Variants in SNAPC4 observed in about 807,000 individuals in gnomAD.
The protein encoded by SNAPC4 is snRNA-activating protein complex subunit 4.
Under a neutral mutation model 151.3 loss-of-function variants are expected in SNAPC4, and 127 were observed. That is an observed-to-expected ratio of 0.84 (90% confidence interval 0.73 to 0.97). SNAPC4 has a LOEUF of 0.97. Among genes scored for constraint, SNAPC4 ranks in the 50% least tolerant of loss-of-function variants. The pLI, the probability that SNAPC4 is intolerant of heterozygous loss-of-function variation, is 0.00. For missense variants in SNAPC4, 2,186 were observed against 1,935.0 expected (o/e 1.13, Z -2.43); for synonymous variants, 1,002 against 824.4 (o/e 1.22, Z -3.69).
chr9:136,392,873 C>T (rs1050259707), intron 7 of SNAPC4, 96 bp from the exon 8 acceptor site: 6 of 1,013,090 alleles, frequency 5.9e-6, no homozygotes, highest in Non-Finnish European at 8.9e-6. Context: ...GTGAGCTCAG[C>T]AGAGATTCCG....
At chr9:136,391,130 G>A (rs143707603) in intron 10 of SNAPC4, among the ~76,000 whole-genome samples, 207 of 152,290 alleles carry the variant, frequency 1.4e-3, no homozygotes, top group African/African-American at 4.9e-3. Context: ...CACTGTGCCC[G>A]GCAGAATTAA....
Position 136,383,847 on chromosome 9 carries a change from A to G in SNAPC4, c.1500+106T>C. 1 of 1,336,208 alleles carries G rather than the reference A, an allele frequency of 7.5e-7. No individual in the cohort carries two copies. Among genetic ancestry groups the G allele is most frequent in the Non-Finnish European group, 1.1e-6 (1 of 944,892 alleles). The allele number at this position is 1,336,208 out of a possible 1,614,324, so 82.8% of individuals were successfully genotyped here. On this transcript the variant is annotated intron_variant, in intron 15 of 23. Coordinates refer to ENST00000684778, the MANE Select transcript of SNAPC4 (RefSeq NM_003086.4). The surrounding 1 kb of genome is among the most constrained non-coding windows in gnomAD (Gnocchi z 4.2). ...GCCACCCAGAAGAAGAAATGCCAAGACCAGAAACCGAACGCCCCCCTCCCC... is the reference window on the plus strand; with the variant it reads ...GCCACCCAGAAGAAGAAATGCCAAGGCCAGAAACCGAACGCCCCCCTCCCC...
chr9:136,391,335 C>T (rs1195913379), intron 10 of SNAPC4, among the ~76,000 whole-genome samples: 1 of 152,102 alleles, frequency 6.6e-6, no homozygotes, highest in Admixed American at 6.5e-5. Flanking sequence ...ATGTTCCAAT[C>T]AAATTCAGAT....
Position 136,381,906 on chromosome 9 carries a change from C to T in SNAPC4, c.2235G>A (p.Leu745=). ...LHRRLLNRRL[L]LAVTPWVGDV... is the part of the protein sequence containing the mutation. ...CCCCTACCCAAGGGGTCACAGCCAGCAGCAGCCTGCGGTTCAGGAGCCTCC... is the reference window on the plus strand; with the variant it reads ...CCCCTACCCAAGGGGTCACAGCCAGTAGCAGCCTGCGGTTCAGGAGCCTCC... Residue 745 remains leucine, a synonymous_variant, in exon 18 of 24, where the codon CTG becomes CTA. Transcript: ENST00000684778. 1 of 1,613,000 alleles carries T rather than the reference C, an allele frequency of 6.2e-7. No individual in the cohort carries two copies. Among genetic ancestry groups the T allele is most frequent in the Non-Finnish European group, 8.5e-7 (1 of 1,179,994 alleles).
In SNAPC4 at chr9:136,378,205, C is replaced by T. The variant is rs1833537611; in HGVS notation, c.3622G>A (p.Ala1208Thr). The T allele has an allele frequency of 6.2e-7, 1 of 1,612,136 alleles. No individual in the cohort carries two copies. The highest frequency in any genetic ancestry group is 1.3e-5 in the African/African-American group (1 of 75,062). The change falls in exon 22 of 24, where the codon GCC becomes ACC. Residue 1208 changes from alanine to threonine, a missense_variant. Physicochemically the swap from Ala to Thr is moderately conservative, Grantham distance 58. Coordinates refer to ENST00000684778, the MANE Select transcript of SNAPC4 (RefSeq NM_003086.4). Reference sequence around the variant, plus strand: ...GTTGCTGGGATGACACCACCGAAGGCTGGCAGCCTCCCGGACCAAGGGGGT... The same window carrying T: ...GTTGCTGGGATGACACCACCGAAGGTTGGCAGCCTCCCGGACCAAGGGGGT... Reference protein sequence around the residue: ...AEPPWSGRLPAFGGVIPATEP... With the variant: ...AEPPWSGRLPTFGGVIPATEP...
chr9:136,380,883 T>G, intron 19 of SNAPC4, 33 bp from the exon 20 acceptor site: 1 of 1,311,560 alleles, frequency 7.6e-7, no homozygotes, highest in Non-Finnish European at 1.1e-6. Flanking sequence ...TAACCATAGC[T>G]GCTTTCGGGA....
In SNAPC4 at chr9:136,383,213, C is replaced by A. The variant is rs746465888; in HGVS notation, c.1956G>T (p.Pro652=). 12 of 1,554,254 alleles carry A rather than the reference C, an allele frequency of 7.7e-6. No homozygotes were observed. Among genetic ancestry groups the A allele is most frequent in the Non-Finnish European group, 9.5e-6 (11 of 1,152,954 alleles). Reference sequence around the variant, plus strand: ...CCAGGGCCTGCTTCTCTGCGCCCGCCGGGCGAGTGTCTGCTGAGTGGGAGG... The same window carrying A: ...CCAGGGCCTGCTTCTCTGCGCCCGCAGGGCGAGTGTCTGCTGAGTGGGAGG... ...AQASHSADTR[P]AGAEKQALEG... Residue 652 remains proline (P), a synonymous_variant, in exon 16 of 24, where the codon CCG becomes CCT. Transcript: ENST00000684778. This position sits in a 1 kb window ranked among gnomAD's most constrained non-coding sequence, Gnocchi z 4.2.
intron 3 of SNAPC4, among the ~76,000 whole-genome samples, chr9:136,396,238 G>A (rs1279441779): frequency 6.6e-6 from 1 of 152,234 alleles, no homozygotes. Context: ...CTACAGCAGG[G>A]TGCTCACTCA....
At position 136,378,749 on chromosome 9, in the gene SNAPC4, A is replaced by T. The variant is rs548018472; in HGVS notation, c.3078T>A (p.Ser1026=). The T allele has an allele frequency of 2.0e-6, 3 of 1,521,726 alleles. No individual in the cohort carries two copies. The South Asian group carries it at 3.9e-5, about 20-fold the overall frequency. The allele number at this position is 1,521,726 out of a possible 1,614,324, so 94.3% of individuals were successfully genotyped here. A position where few individuals can be genotyped will look rare whatever the true frequency, so the allele number is the denominator to read the frequency against. ...VSCPESGLGQ[S]QAPAASRKQG... is the part of the protein sequence containing the mutation. ...GCTTCCGGGATGCAGCGGGGGCCTGAGACTGTCCGAGACCACTCTCGGGGC... is the reference window on the plus strand; with the variant it reads ...GCTTCCGGGATGCAGCGGGGGCCTGTGACTGTCCGAGACCACTCTCGGGGC... The change falls in exon 22 of 24, where the codon TCT becomes TCA. Residue 1026 remains serine (S), a synonymous_variant. Coordinates refer to ENST00000684778, the MANE Select transcript of SNAPC4 (RefSeq NM_003086.4).
rs556419541 is a variant in SNAPC4, at chr9:136,377,678, G to T, written c.4149C>A (p.Pro1383=). The change falls in exon 22 of 24, where the codon CCC becomes CCA. Residue 1383 remains proline (P), a synonymous_variant. Coordinates refer to ENST00000684778, the MANE Select transcript of SNAPC4 (RefSeq NM_003086.4). ...CTGAGAGGGTGGTGCGGACGCCTTG[G>T]GGGGCCAGGGTGGCCAGGAGCGCAG... ...TLPALLATLA[P]QGVRTTLSVP... The T allele has an allele frequency of 2.2e-5, 35 of 1,607,706 alleles. No homozygotes were observed. The East Asian group carries it at 6.7e-4, about 31-fold the overall frequency.
At chr9:136,388,089 G>A (rs959669777) in intron 11 of SNAPC4, among the ~76,000 whole-genome samples, 5 of 152,274 alleles carry the variant, frequency 3.3e-5, no homozygotes, top group Non-Finnish European at 7.4e-5. Context: ...CCAACATGGT[G>A]AAACCCCGTC....
intron 20 of SNAPC4, among the ~76,000 whole-genome samples, chr9:136,380,191 C>G (rs13297890): frequency 0.23 from 34,382 of 152,048 alleles, 4,114 homozygotes; most frequent in Admixed American, 0.27. Context: ...GTGCCCTGCA[C>G]AGCAGGCAAA....
chr9:136,388,333 T>TA, intron 11 of SNAPC4, 111 bp downstream of exon 11: 2 of 1,096,922 alleles, frequency 1.8e-6, no homozygotes, highest in East Asian at 5.1e-5. Context: ...CAGGACTGTC[T>TA]AAGCCCTCGT....
rs556419541 is a variant in SNAPC4 at position 136,377,678 on chromosome 9, G to C, written c.4149C>G (p.Pro1383=). The C allele has an allele frequency of 1.9e-6, 3 of 1,607,824 alleles. No homozygotes were observed. Among genetic ancestry groups the C allele is most frequent in the African/African-American group, 1.3e-5 (1 of 74,966 alleles). The change falls in exon 22 of 24, where the codon CCC becomes CCG. Residue 1383 remains proline (P), a synonymous_variant. Coordinates refer to ENST00000684778, the MANE Select transcript of SNAPC4 (RefSeq NM_003086.4). ...TLPALLATLA[P]QGVRTTLSVP... is the part of the protein sequence containing the mutation. ...CTGAGAGGGTGGTGCGGACGCCTTGGGGGGCCAGGGTGGCCAGGAGCGCAG... is the reference window on the plus strand; with the variant it reads ...CTGAGAGGGTGGTGCGGACGCCTTGCGGGGCCAGGGTGGCCAGGAGCGCAG...
rs1490039728 is a variant in SNAPC4 at position 136,387,564 on chromosome 9, C to T, written c.1246G>A (p.Val416Ile). 13 of 1,613,664 alleles carry T rather than the reference C, an allele frequency of 8.1e-6. No homozygotes were observed. The highest frequency in any genetic ancestry group is 1.3e-5 in the African/African-American group (1 of 75,052). ...PEEDAKLLQA[V>I]AKYGEQDWFK... ...CAATCCTGCTCCCCGTATTTGGCAA[C>T]AGCTTGAAGCAACTTCTGCAGGAAG... Residue 416 changes from valine to isoleucine, a missense_variant, in exon 13 of 24, where the codon GTT becomes ATT. Coordinates refer to ENST00000684778, the MANE Select transcript of SNAPC4 (RefSeq NM_003086.4).
Position 136,378,655 on chromosome 9 carries a change from G to T in SNAPC4, c.3172C>A (p.Leu1058Ile). The T allele has an allele frequency of 6.6e-7, 1 of 1,519,488 alleles. No homozygotes were observed. Among genetic ancestry groups the T allele is most frequent in the Admixed American group, 2.2e-5 (1 of 46,216 alleles). 94.1% of individuals were successfully genotyped at this position (1,519,488 alleles called of 1,614,324 possible). A position where few individuals can be genotyped will look rare whatever the true frequency, so the allele number is the denominator to read the frequency against. The stretch of plus-strand genomic sequence containing the variant: ...GGCCCTCCTATGTGCGTCAGGCTGA[G>T]GGGCTGGACGGGCAGTGGGGTGGGG... ...PSPTPLPVQPLSLTHIGGPHV... is the reference protein window; with the variant it reads ...PSPTPLPVQPISLTHIGGPHV... Residue 1058 changes from leucine to isoleucine, a missense_variant, in exon 22 of 24, where the codon CTC (leucine) becomes ATC (isoleucine). By Grantham distance (5) the Leu-to-Ile change is conservative. Transcript: ENST00000684778.
At chr9:136,392,474 G>A (rs377584735) in intron 9 of SNAPC4, 48 bp downstream of exon 9, 22 of 1,577,064 alleles carry the variant, frequency 1.4e-5, no homozygotes, top group Middle Eastern at 1.7e-4. Flanking sequence ...CGGGCTACAG[G>A]GAGCTGTGCT....
chr9:136,386,453 T>TTTG (rs1833892232), intron 13 of SNAPC4, among the ~76,000 whole-genome samples: 1 of 146,452 alleles, frequency 6.8e-6, no homozygotes, highest in African/African-American at 2.5e-5. Flanking sequence ...TTTTTTTTTT[T>TTTG]GAGACGGAGT....
intron 7 of SNAPC4, among the ~76,000 whole-genome samples, chr9:136,393,974 G>A (rs1031772639): frequency 6.6e-6 from 1 of 152,256 alleles, no homozygotes; most frequent in Non-Finnish European, 1.5e-5. Flanking sequence ...CTGGAACGCA[G>A]TGGTACAATC....
Sources: gnomAD v4.1 joint callset for allele counts (sites outside exome capture counted in the v4.1 genomes callset) on GRCh38, gnomAD v4.1.1 for gene constraint, Gnocchi (gnomAD v3.1) non-coding constraint, MANE v1.5 for transcripts, NCBI Gene and HGNC (gene_info 2026-07-23, HGNC 2026-07-21) for gene names.